The following TSHZ2 variants were observed in gnomAD, a reference collection of about 807,000 sequenced individuals.
The protein encoded by TSHZ2 is teashirt zinc finger homeobox 2, also known as teashirt homolog 2.
In TSHZ2, 21 loss-of-function variants were observed where a neutral mutation model predicts 74.4. That is an observed-to-expected ratio of 0.28 (90% CI 0.20 to 0.41). The LOEUF is 0.41. Ranked by LOEUF, TSHZ2 falls within the 10% of genes least tolerant of loss-of-function variation. The pLI is 1.00. For synonymous variants in TSHZ2, 540 were observed against 515.3 expected, an observed-to-expected ratio of 1.05 and a Z score of -0.65; for missense variants, 1,244 against 1,293.5, an observed-to-expected ratio of 0.96 and a Z score of 0.59.
chr20:53,007,738 G>GTT (rs1491299452), intron 1 of TSHZ2, among the ~76,000 whole-genome samples: 2 of 49,580 alleles, frequency 4.0e-5, no homozygotes, highest in African/African-American at 1.6e-4. Flanking sequence ...ATGTATATTC[G>GTT]TGTGTGTGTG....
At chr20:53,321,267 T>G (rs1324202402) in intron 2 of TSHZ2, among the ~76,000 whole-genome samples, 2 of 152,168 alleles carry the variant, frequency 1.3e-5, no homozygotes, top group African/African-American at 4.8e-5. Context: ...CCTTATATCA[T>G]TCCTTCATAT....
intron 2 of TSHZ2, among the ~76,000 whole-genome samples, chr20:53,331,375 C>T (rs920190891): frequency 1.3e-5 from 2 of 152,144 alleles, no homozygotes; most frequent in Non-Finnish European, 2.9e-5. Context: ...AGGCAAAAAC[C>T]GAGGTGCTTG....
intron 1 of TSHZ2, among the ~76,000 whole-genome samples, chr20:53,071,477 G>A (rs1429573049): frequency 6.6e-6 from 1 of 152,234 alleles, no homozygotes; most frequent in East Asian, 1.9e-4. Flanking sequence ...GACGTTTTAA[G>A]TTACCCAAAG....
intron 1 of TSHZ2, among the ~76,000 whole-genome samples, chr20:53,177,419 G>A (rs1416111151): frequency 6.6e-6 from 1 of 152,170 alleles, no homozygotes; most frequent in African/African-American, 2.4e-5. Context: ...TTAAAATGTA[G>A]ATTCTGATTC....
intron 2 of TSHZ2, among the ~76,000 whole-genome samples, chr20:53,430,755 AGTTTT>A (rs896594374): frequency 5.1e-4 from 77 of 152,096 alleles, no homozygotes; most frequent in African/African-American, 1.7e-3. Context: ...AGTTTAGTTT[AGTTTT>A]GTTTTGTTTT....
intron 2 of TSHZ2, among the ~76,000 whole-genome samples, chr20:53,293,867 T>C (rs571512777): frequency 6.6e-6 from 1 of 151,768 alleles, no homozygotes; most frequent in African/African-American, 2.4e-5. Context: ...AATACAAAAA[T>C]TAGCTGGGCG....
chr20:53,254,267 A>T lies in TSHZ2; in HGVS notation c.809A>T (p.Asp270Val). The change falls in exon 2 of 3, where the codon GAT becomes GTT. Residue 270 changes from aspartate (D) to valine (V), a missense_variant. Coordinates refer to ENST00000371497, the MANE Select transcript of TSHZ2 (RefSeq NM_173485.6). Reference sequence around the variant, plus strand: ...GCTTTCCAGGATATGGACAAAGAGGATGCTCAAAAGGTTCTGAAATGTATG... The same window carrying T: ...GCTTTCCAGGATATGGACAAAGAGGTTGCTCAAAAGGTTCTGAAATGTATG... ...KRAFQDMDKEDAQKVLKCMFC... is the reference protein window; with the variant it reads ...KRAFQDMDKEVAQKVLKCMFC... 6.2e-7 allele frequency: 1 copy of T among 1,614,106 alleles called. No homozygotes were observed. Among genetic ancestry groups the T allele is most frequent in the East Asian group, 2.2e-5 (1 of 44,872 alleles).
chr20:53,400,420 AC>A (rs1385865428), intron 2 of TSHZ2: 3 of 152,242 alleles, frequency 2.0e-5, no homozygotes, highest in Non-Finnish European at 4.4e-5. Context: ...ATACGTCGAA[AC>A]TTCCTCTGTG....
chr20:53,247,090 C>A (rs1600765351), intron 1 of TSHZ2, among the ~76,000 whole-genome samples: 1 of 152,184 alleles, frequency 6.6e-6, no homozygotes, highest in East Asian at 1.9e-4. Flanking sequence ...ACAAAGAATT[C>A]TATTTGTTTG....
chr20:53,335,295 C>T (rs1031213003), intron 2 of TSHZ2, among the ~76,000 whole-genome samples: 15 of 152,284 alleles, frequency 9.9e-5, no homozygotes, highest in South Asian at 8.3e-4. Flanking sequence ...TCCACCACTG[C>T]CTTGGACAAA....
intron 1 of TSHZ2, among the ~76,000 whole-genome samples, chr20:53,001,156 G>C (rs1363934999): frequency 6.6e-6 from 1 of 151,524 alleles, no homozygotes; most frequent in African/African-American, 2.4e-5. Context: ...GAACCCCAGA[G>C]AGACCCGGTC....
chr20:53,287,535 G>T (rs919914833), intron 2 of TSHZ2, among the ~76,000 whole-genome samples: 2 of 152,204 alleles, frequency 1.3e-5, no homozygotes, highest in Non-Finnish European at 1.5e-5. Context: ...TGAACCCACC[G>T]CATCCCACAG....
rs200034087 is a variant in TSHZ2 at position 53,255,136 on chromosome 20, A to G, written c.1678A>G (p.Met560Val). 1.2e-5 allele frequency: 19 copies of G among 1,614,112 alleles called. No individual in the cohort carries two copies. The highest frequency in any genetic ancestry group is 1.5e-5 in the Non-Finnish European group (18 of 1,180,030). ...TGAGGGCACCAAGCCGCCTTTGCCT[A>G]TGGGATCCCAGGTACTGCAGATCCG... Reference protein sequence around the residue: ...LSEGTKPPLPMGSQVLQIRPN... With the variant: ...LSEGTKPPLPVGSQVLQIRPN... The change falls in exon 2 of 3, where the codon ATG (methionine) becomes GTG (valine). Residue 560 changes from methionine to valine, a missense_variant. Coordinates refer to ENST00000371497, the MANE Select transcript of TSHZ2 (RefSeq NM_173485.6). This position sits in a 1 kb window ranked among gnomAD's most constrained non-coding sequence, Gnocchi z 4.1.
At chr20:53,328,356 TA>T (rs1418703932) in intron 2 of TSHZ2, among the ~76,000 whole-genome samples, 1 of 152,228 alleles carries the variant, frequency 6.6e-6, no homozygotes, top group Non-Finnish European at 1.5e-5. Context: ...AGGATATGTA[TA>T]AATCCAACTC....
chr20:53,127,484 T>C (rs936521195), intron 1 of TSHZ2, among the ~76,000 whole-genome samples: 2 of 152,224 alleles, frequency 1.3e-5, no homozygotes, highest in African/African-American at 2.4e-5. Context: ...GGTGTGAGTA[T>C]TGCTTGAGGC....
At chr20:53,299,368 C>T (rs185885642) in intron 2 of TSHZ2, among the ~76,000 whole-genome samples, 6 of 152,254 alleles carry the variant, frequency 3.9e-5, no homozygotes, top group South Asian at 2.1e-4. Context: ...CTCACCACTG[C>T]GTTTTTGTGG....
At chr20:53,347,494 A>AC (rs1165443196) in intron 2 of TSHZ2, among the ~76,000 whole-genome samples, 1 of 151,324 alleles carries the variant, frequency 6.6e-6, no homozygotes, top group East Asian at 1.9e-4. Context: ...GTCCTTATCC[A>AC]CCCCCCAACT....
At chr20:53,438,640 A>C (rs1452588949) in intron 2 of TSHZ2, among the ~76,000 whole-genome samples, 2 of 152,150 alleles carry the variant, frequency 1.3e-5, no homozygotes, top group African/African-American at 2.4e-5. Flanking sequence ...TGACCTAAAA[A>C]TGAGAAAGCA....
rs540390077 is a variant in TSHZ2, at chr20:53,113,111, C to T, written c.40+139778C>T. ...TCAGATTCCCTCTTTGCCATGGAGG[C>T]GGACTGCAGAAGAAGTCAGGTGTCA... On this transcript the variant is annotated intron_variant, in intron 1 of 2. Coordinates refer to ENST00000371497, the MANE Select transcript of TSHZ2 (RefSeq NM_173485.6). Among the ~76,000 whole-genome samples the T allele has an allele frequency of 3.7e-4, 56 of 152,280 alleles. 1 individual carries two copies. The Middle Eastern group carries it at 0.014, about 37-fold the overall frequency.
Sources: gnomAD v4.1 joint callset for allele counts (sites outside exome capture counted in the v4.1 genomes callset) on GRCh38, gnomAD v4.1.1 for gene constraint, Gnocchi (gnomAD v3.1) non-coding constraint, MANE v1.5 for transcripts, NCBI Gene and HGNC (gene_info 2026-07-23, HGNC 2026-07-21) for gene names.